OSBPL1A: variants seen among roughly 807,000 people sequenced by gnomAD.
OSBPL1A encodes oxysterol binding protein like 1A.
In OSBPL1A, 80 loss-of-function variants were observed where a neutral mutation model predicts 137.1. The ratio of observed to expected loss-of-function variants is 0.58; its 90% CI spans 0.49 to 0.70. The LOEUF (loss-of-function observed/expected upper bound fraction) is 0.70. Ranked by LOEUF, OSBPL1A falls within the 30% of genes least tolerant of loss-of-function variation. OSBPL1A has a pLI of 0.00. For synonymous variants in OSBPL1A, 365 were observed against 389.7 expected (o/e 0.94, Z 0.75); for missense variants, 970 against 1,129.4 (o/e 0.86, Z 2.02).
At chr18:24,199,765 A>G (rs1039559276) in intron 17 of OSBPL1A, among the ~76,000 whole-genome samples, 2 of 152,200 alleles carry the variant, frequency 1.3e-5, no homozygotes, top group Admixed American at 6.5e-5. Context: ...TAAAAATAGG[A>G]GATGAGAGAG....
intron 4 of OSBPL1A, among the ~76,000 whole-genome samples, chr18:24,342,671 C>CA (rs1268035121): frequency 1.3e-5 from 2 of 151,968 alleles, no homozygotes; most frequent in African/African-American, 2.4e-5. Flanking sequence ...CATAAACAGG[C>CA]AAAAAATACA....
chr18:24,262,509 T>C (rs1432232031), intron 15 of OSBPL1A, among the ~76,000 whole-genome samples: 2 of 152,154 alleles, frequency 1.3e-5, no homozygotes, highest in East Asian at 1.9e-4. Context: ...CTGCAATTGA[T>C]AGTTTTGCTG....
At chr18:24,384,650 A>G (rs1362712157) in intron 1 of OSBPL1A, among the ~76,000 whole-genome samples, 2 of 152,002 alleles carry the variant, frequency 1.3e-5, no homozygotes, top group African/African-American at 2.4e-5. Flanking sequence ...TGGGCGGATC[A>G]CCTGAGGTCA....
intron 14 of OSBPL1A, 102 bp downstream of exon 14, chr18:24,303,535 T>G: frequency 1.0e-6 from 1 of 965,236 alleles, no homozygotes; most frequent in Non-Finnish European, 1.5e-6. Flanking sequence ...TAACTCTTAA[T>G]TCAAAACCAA....
At chr18:24,283,281 A>AAAAAAAAT (rs1246058393) in intron 14 of OSBPL1A, among the ~76,000 whole-genome samples, 269 of 78,250 alleles carry the variant, frequency 3.4e-3, no homozygotes, top group Middle Eastern at 9.1e-3. Flanking sequence ...AAAAAAAAAA[A>AAAAAAAAT]ATATATATAT....
intron 4 of OSBPL1A, among the ~76,000 whole-genome samples, chr18:24,348,135 TAAAG>T (rs1046296420): frequency 2.7e-4 from 41 of 152,116 alleles, no homozygotes; most frequent in African/African-American, 9.2e-4. Flanking sequence ...CTTTGGCAAA[TAAAG>T]AAAGTATCCC....
At chr18:24,211,587 A>G (rs2087547416) in intron 17 of OSBPL1A, among the ~76,000 whole-genome samples, 1 of 152,100 alleles carries the variant, frequency 6.6e-6, no homozygotes, top group Non-Finnish European at 1.5e-5. Context: ...TCTACTTTCT[A>G]GAACCACTGG....
intron 4 of OSBPL1A, chr18:24,358,038 A>C (rs554156897): frequency 6.0e-6 from 1 of 166,186 alleles, no homozygotes; most frequent in East Asian, 1.7e-4. Context: ...CCATCTTAGC[A>C]GAAGTAATTG....
intron 13 of OSBPL1A, among the ~76,000 whole-genome samples, chr18:24,305,884 A>G (rs907705677): frequency 1.3e-5 from 2 of 152,128 alleles, no homozygotes; most frequent in African/African-American, 4.8e-5. Flanking sequence ...CATGTAAGAC[A>G]TGCCTTTGCT....
intron 1 of OSBPL1A, among the ~76,000 whole-genome samples, chr18:24,386,840 T>G (rs1426462599): frequency 6.6e-6 from 1 of 151,960 alleles, no homozygotes; most frequent in Non-Finnish European, 1.5e-5. Context: ...GCGCCTGTAG[T>G]CAGTTACTCA....
rs112255093 is a variant in OSBPL1A, at chr18:24,356,699, T to A, written c.282+10193A>T. ...GGAAGTGGCTACTCACCCCCAGCCA[T>A]GGCCAAGACATATCAAAACCAATAT... On this transcript the variant is annotated intron_variant, in intron 4 of 27. Coordinates refer to ENST00000319481, the MANE Select transcript of OSBPL1A (RefSeq NM_080597.4). 5.3e-5 allele frequency among the ~76,000 whole-genome samples: 8 copies of A among 152,292 alleles called. 1 individual carries two copies. Among genetic ancestry groups the A allele is most frequent in the African/African-American group, 1.9e-4 (8 of 41,572 alleles).
chr18:24,318,907 T>C lies in OSBPL1A; in HGVS notation c.626-98A>G. 6 of 1,020,328 alleles carry C rather than the reference T, an allele frequency of 5.9e-6. No homozygotes were observed. The South Asian group carries it at 7.5e-5, about 13-fold the overall frequency. 63.2% of individuals were successfully genotyped at this position (1,020,328 alleles called of 1,614,324 possible). A position where few individuals can be genotyped will look rare whatever the true frequency, so the allele number is the denominator to read the frequency against. On this transcript the variant is annotated intron_variant, in intron 7 of 27. Transcript: ENST00000319481. ...CATCTAATAGTCCTTCATTTTTCTA[T>C]TGCCTATATCTTTTTCTTTCCCCAG...
intron 17 of OSBPL1A, among the ~76,000 whole-genome samples, chr18:24,203,996 T>C (rs2087295473): frequency 6.6e-6 from 1 of 152,268 alleles, no homozygotes; most frequent in Non-Finnish European, 1.5e-5. Flanking sequence ...CAAAAATATT[T>C]CGATATATGA....
intron 17 of OSBPL1A, among the ~76,000 whole-genome samples, chr18:24,207,917 G>A (rs1239592835): frequency 2.6e-5 from 4 of 152,044 alleles, no homozygotes; most frequent in African/African-American, 7.2e-5. Flanking sequence ...GCTACGTTTC[G>A]TATTTTTAGC....
At chr18:24,260,964 T>C (rs770443164) in intron 15 of OSBPL1A, among the ~76,000 whole-genome samples, 1 of 151,926 alleles carries the variant, frequency 6.6e-6, no homozygotes, top group Non-Finnish European at 1.5e-5. Flanking sequence ...CAAATATTCA[T>C]AGCTTTATTT....
At chr18:24,344,492 C>T (rs1207772028) in intron 4 of OSBPL1A, among the ~76,000 whole-genome samples, 4 of 152,150 alleles carry the variant, frequency 2.6e-5, no homozygotes, top group Non-Finnish European at 5.9e-5. Context: ...CTAGGTTAAA[C>T]ACGATGGGTA....
chr18:24,200,877 T>C (rs544323865), intron 17 of OSBPL1A, among the ~76,000 whole-genome samples: 1 of 152,260 alleles, frequency 6.6e-6, no homozygotes, highest in East Asian at 1.9e-4. Context: ...GGAGATTCAG[T>C]TAAAAAAAAT....
At chr18:24,352,821 T>G (rs1360541066) in intron 4 of OSBPL1A, among the ~76,000 whole-genome samples, 1 of 152,100 alleles carries the variant, frequency 6.6e-6, no homozygotes. Context: ...GGGGAAAGGA[T>G]TCCCTATTTA....
At chr18:24,374,904 C>T (rs1475508513) in intron 2 of OSBPL1A, among the ~76,000 whole-genome samples, 3 of 152,028 alleles carry the variant, frequency 2.0e-5, no homozygotes, top group Non-Finnish European at 2.9e-5. Flanking sequence ...GTCATAGATT[C>T]GAGGAAAACC....
Sources: allele counts gnomAD v4.1 joint callset (sites outside exome capture counted in the v4.1 genomes callset), GRCh38; gene constraint gnomAD v4.1.1; transcripts MANE v1.5; gene names NCBI Gene and HGNC (gene_info 2026-07-23, HGNC 2026-07-21).